Variants in CAMKK1 observed in about 807,000 individuals in gnomAD.
CAMKK1 encodes calcium/calmodulin dependent protein kinase kinase 1.
In CAMKK1, 20 loss-of-function variants were observed where a neutral mutation model predicts 63.5. That is an observed-to-expected ratio of 0.32 (90% CI 0.22 to 0.46). CAMKK1 has a LOEUF of 0.46. CAMKK1 is among the 20% of genes least tolerant of loss of function. CAMKK1 has a pLI of 1.00. For missense variants in CAMKK1, 588 were observed against 658.1 expected (o/e 0.89, Z 1.17); for synonymous variants, 253 against 269.0 (o/e 0.94, Z 0.58).
intron 14 of CAMKK1, among the ~76,000 whole-genome samples, chr17:3,866,815 C>T (rs1385652603): frequency 6.6e-6 from 1 of 152,140 alleles, no homozygotes; most frequent in Non-Finnish European, 1.5e-5. Context: ...TGCCTCCCCG[C>T]TTCAAATGAT....
chr17:3,887,272 A>C lies in CAMKK1; in HGVS notation c.-43-1542T>G, dbSNP rs1352075151. Among the ~76,000 whole-genome samples the C allele has an allele frequency of 1.3e-5, 2 of 152,056 alleles. No individual in the cohort carries two copies. Among genetic ancestry groups the C allele is most frequent in the Non-Finnish European group, 2.9e-5 (2 of 67,982 alleles). ...CACAGCAGGGTTTGGAGGTAGACTGAGGGTAAGGGTGAGGTCCAGACCCCC... is the reference window on the plus strand; with the variant it reads ...CACAGCAGGGTTTGGAGGTAGACTGCGGGTAAGGGTGAGGTCCAGACCCCC... On this transcript the variant is annotated intron_variant, in intron 1 of 15. Coordinates refer to ENST00000348335, the MANE Select transcript of CAMKK1 (RefSeq NM_032294.3). This position sits in a 1 kb window ranked among gnomAD's most constrained non-coding sequence, Gnocchi z 6.1.
chr17:3,881,603 GC>G, intron 8 of CAMKK1, 23 bp downstream of exon 8: 1 of 1,565,172 alleles, frequency 6.4e-7, no homozygotes, highest in South Asian at 1.2e-5. Context: ...GAATTGACCT[GC>G]CTGATCAGGA....
At chr17:3,871,347 G>GTTTTTTTTTTTTTTTTTT (rs869219931) in intron 12 of CAMKK1, among the ~76,000 whole-genome samples, 17 of 104,368 alleles carry the variant, frequency 1.6e-4, no homozygotes, top group South Asian at 3.3e-4. Flanking sequence ...TTTTTTTTTT[G>GTTTTTTTTTTTTTTTTTT]TTTTTTTTTT....
chr17:3,876,479 C>A, intron 9 of CAMKK1, 57 bp from the exon 10 acceptor site: 5 of 1,473,102 alleles, frequency 3.4e-6, no homozygotes, highest in Non-Finnish European at 4.7e-6. Context: ...GGCCAGGACC[C>A]CACACCCGTC....
chr17:3,863,278 C>T (rs140573522), intron 15 of CAMKK1, among the ~76,000 whole-genome samples: 3,413 of 152,026 alleles, frequency 0.022, 115 homozygotes, highest in African/African-American at 0.078. Flanking sequence ...GGCAGATTAC[C>T]TGAGGTCAGG....
chr17:3,871,335 T>TTTTTTTTTTG (rs2054843652), intron 12 of CAMKK1, among the ~76,000 whole-genome samples: 5 of 110,512 alleles, frequency 4.5e-5, no homozygotes, highest in African/African-American at 1.6e-4. Context: ...TGTTTTTTGT[T>TTTTTTTTTTG]TTTTTTTTTT....
intron 8 of CAMKK1, among the ~76,000 whole-genome samples, chr17:3,881,074 G>A (rs898990499): frequency 6.6e-6 from 1 of 152,136 alleles, no homozygotes; most frequent in South Asian, 2.1e-4. Context: ...ACCCAGCCCC[G>A]TGCTCATTAC....
At chr17:3,865,612 T>G in intron 15 of CAMKK1, 1 of 1,236,496 alleles carries the variant, frequency 8.1e-7, no homozygotes, top group Non-Finnish European at 1.0e-6. Context: ...GACATCAAGC[T>G]GCATGGAAGA....
Position 3,890,304 on chromosome 17 carries a change from G to A in CAMKK1, c.-44+2635C>T, listed in dbSNP as rs908582309. Among the ~76,000 whole-genome samples the A allele has an allele frequency of 6.6e-6, 1 of 152,114 alleles. No individual in the cohort carries two copies. The highest frequency in any genetic ancestry group is 6.5e-5 in the Admixed American group (1 of 15,274). Reference sequence around the variant, plus strand: ...GAGGACGCCCGCTCCCACCATCCCTGGGGAGCCCCCAAGCACCAATACGGG... The same window carrying A: ...GAGGACGCCCGCTCCCACCATCCCTAGGGAGCCCCCAAGCACCAATACGGG... On this transcript the variant is annotated intron_variant, in intron 1 of 15. Transcript: ENST00000348335. This position sits in a 1 kb window ranked among gnomAD's most constrained non-coding sequence, Gnocchi z 6.5.
chr17:3,885,588 C>T lies in CAMKK1; in HGVS notation c.100G>A (p.Gly34Ser), dbSNP rs1484625107. The change falls in exon 2 of 16, where the codon GGC becomes AGC. Residue 34 changes from glycine (G) to serine (S), a missense_variant. Physicochemically the swap from Gly to Ser is moderately conservative, Grantham distance 56. This residue lies in a region of CAMKK1 where 357 missense variants were observed against 407.4 expected (regional missense o/e 0.88). Coordinates refer to ENST00000348335, the MANE Select transcript of CAMKK1 (RefSeq NM_032294.3). Reference sequence around the variant, plus strand: ...ACACCGTTTCTAGTAGGCTCTGGGCCACCATCTGCCTCCTCCAAGTGAGTC... The same window carrying T: ...ACACCGTTTCTAGTAGGCTCTGGGCTACCATCTGCCTCCTCCAAGTGAGTC... Reference protein sequence around the residue: ...DVTHLEEADGGPEPTRNGVDP... With the variant: ...DVTHLEEADGSPEPTRNGVDP... 2.5e-6 allele frequency: 4 copies of T among 1,614,138 alleles called. No homozygotes were observed. Among genetic ancestry groups the T allele is most frequent in the South Asian group, 1.1e-5 (1 of 91,090 alleles).
chr17:3,866,525 C>T lies in CAMKK1; in HGVS notation c.1342-514G>A, dbSNP rs555029690. Among the ~76,000 whole-genome samples the T allele has an allele frequency of 4.6e-5, 7 of 152,344 alleles. No individual in the cohort carries two copies. In the South Asian group the frequency reaches 6.2e-4, roughly 14 times the overall value. ...CTTTGTCCCTCCTCCGTGACAAGGACGGTTCCATGCCGTGCCCACAGACAC... is the reference window on the plus strand; with the variant it reads ...CTTTGTCCCTCCTCCGTGACAAGGATGGTTCCATGCCGTGCCCACAGACAC... On this transcript the variant is annotated intron_variant, in intron 14 of 15. Coordinates refer to ENST00000348335, the MANE Select transcript of CAMKK1 (RefSeq NM_032294.3).
intron 15 of CAMKK1, chr17:3,865,262 G>T: frequency 1.0e-6 from 1 of 986,260 alleles, no homozygotes; most frequent in Non-Finnish European, 1.2e-6. Flanking sequence ...AGGAGGTGGT[G>T]AACCCACAGG....
Position 3,885,520 on chromosome 17 carries a change from G to A in CAMKK1, c.168C>T (p.Gly56=). ...GGGCTGGGAGCAGTCTTGAAGTACT[G>A]CCAGGGATCACAGAGGCAGCTCTGG... ...PRARAASVIP[G]STSRLLPARP... is the part of the protein sequence containing the mutation. Residue 56 remains glycine (G), a synonymous_variant, in exon 2 of 16, where the codon GGC becomes GGT. Transcript: ENST00000348335. 1.2e-6 allele frequency: 2 copies of A among 1,613,946 alleles called. No individual in the cohort carries two copies. The highest frequency in any genetic ancestry group is 1.7e-6 in the Non-Finnish European group (2 of 1,180,020).
chr17:3,868,632 C>T (rs901567425), intron 14 of CAMKK1, among the ~76,000 whole-genome samples: 4 of 152,068 alleles, frequency 2.6e-5, no homozygotes, highest in South Asian at 2.1e-4. Context: ...TGACTGCTGC[C>T]GCTGAGCAAG....
intron 14 of CAMKK1, among the ~76,000 whole-genome samples, chr17:3,866,783 A>G (rs1342284325): frequency 3.3e-5 from 5 of 151,930 alleles, no homozygotes; most frequent in African/African-American, 4.8e-5. Flanking sequence ...GCAGTGGCAC[A>G]ATCTCGGCTC....
intron 9 of CAMKK1, among the ~76,000 whole-genome samples, chr17:3,878,211 C>G (rs909773823): frequency 6.6e-6 from 1 of 152,200 alleles, no homozygotes; most frequent in African/African-American, 2.4e-5. Flanking sequence ...CCCTGACCAC[C>G]GAGCCCTCTC....
rs777923761 is a variant in CAMKK1, at chr17:3,866,040, A to G, written c.1342-29T>C. 3 of 1,610,514 alleles carry G rather than the reference A, an allele frequency of 1.9e-6. No individual in the cohort carries two copies. In the African/African-American group the frequency reaches 4.0e-5, roughly 22 times the overall value. ...AGGAGGACAAGGCAGCGTGAGGAGC[A>G]CAGGTCCCAGGCTCCCAGACACGCA... On this transcript the variant is annotated intron_variant, in intron 14 of 15. Transcript: ENST00000348335.
Position 3,871,334 on chromosome 17 carries a change from TTTTTTTTTTTTTG to T in CAMKK1, c.1124+1207_1124+1219del, listed in dbSNP as rs2054843412. On this transcript the variant is annotated intron_variant, in intron 12 of 15. Transcript: ENST00000348335. Reference sequence around the variant, plus strand: ...TTCTTTTTTTGTTTGTTGTTTTTTGTTTTTTTTTTTTTGTTTTTTTTTTTTTTTTTTTTTTTTT... The same window carrying T: ...TTCTTTTTTTGTTTGTTGTTTTTTGTTTTTTTTTTTTTTTTTTTTTTTTTT... Among the ~76,000 whole-genome samples the T allele has an allele frequency of 1.5e-4, 8 of 53,506 alleles. No individual in the cohort carries two copies. The East Asian group carries it at 2.3e-3, about 15-fold the overall frequency. 35.1% of individuals were successfully genotyped at this position (53,506 alleles called of 152,430 possible).
At chr17:3,874,307 AAAG>A (rs573640719) in intron 10 of CAMKK1, among the ~76,000 whole-genome samples, 3 of 152,256 alleles carry the variant, frequency 2.0e-5, no homozygotes, top group Admixed American at 1.3e-4. Context: ...GGGACCAGAA[AAAG>A]AAGAAGTTAT....
Sources: gnomAD v4.1 joint callset for allele counts (sites outside exome capture counted in the v4.1 genomes callset) on GRCh38, gnomAD v4.1.1 for gene constraint, gnomAD v4.1.1 regional missense constraint, Gnocchi (gnomAD v3.1) non-coding constraint, MANE v1.5 for transcripts, NCBI Gene and HGNC (gene_info 2026-07-23, HGNC 2026-07-21) for gene names.